SCMH1: variants seen among roughly 807,000 people sequenced by gnomAD.
SCMH1 encodes polycomb protein SCMH1.
SCMH1 carries 37 observed loss-of-function variants against 70.8 expected under a neutral mutation model. That is an observed-to-expected ratio of 0.52 (90% CI 0.40 to 0.69). The LOEUF is 0.69. Among genes scored for constraint, SCMH1 ranks in the 30% least tolerant of loss-of-function variants. The pLI is 0.00. For synonymous variants in SCMH1, 292 were observed against 307.4 expected, an observed-to-expected ratio of 0.95 and a Z score of 0.52; for missense variants, 607 against 827.3, an observed-to-expected ratio of 0.73 and a Z score of 3.27.
At chr1:41,099,700 C>T (rs2149085705) in intron 8 of SCMH1, among the ~76,000 whole-genome samples, 1 of 152,260 alleles carries the variant, frequency 6.6e-6, no homozygotes, top group East Asian at 1.9e-4. Context: ...CTGACATGAC[C>T]TAGGGACTCC....
At chr1:41,153,051 C>T (rs1018371111) in intron 4 of SCMH1, among the ~76,000 whole-genome samples, 1 of 152,164 alleles carries the variant, frequency 6.6e-6, no homozygotes, top group Non-Finnish European at 1.5e-5. Context: ...TGACAGGGCC[C>T]TAAAGCAAGG....
intron 10 of SCMH1, among the ~76,000 whole-genome samples, chr1:41,067,215 C>T (rs1026098003): frequency 1.3e-5 from 2 of 151,892 alleles, no homozygotes; most frequent in East Asian, 1.9e-4. Flanking sequence ...GAGGCTGAAG[C>T]GGGTGGATCA....
intron 10 of SCMH1, among the ~76,000 whole-genome samples, chr1:41,065,568 T>G (rs1020004527): frequency 1.3e-5 from 2 of 152,198 alleles, no homozygotes; most frequent in Non-Finnish European, 2.9e-5. Context: ...CTTCAAGACT[T>G]ATTGTAAAGC....
At chr1:41,187,339 G>A (rs1650492930) in intron 1 of SCMH1, among the ~76,000 whole-genome samples, 1 of 151,304 alleles carries the variant, frequency 6.6e-6, no homozygotes, top group Non-Finnish European at 1.5e-5. Context: ...GCACATGCTT[G>A]TAATCCCGGC....
chr1:41,213,677 CTTCA>C, intron 1 of SCMH1, among the ~76,000 whole-genome samples: 1 of 152,270 alleles, frequency 6.6e-6, no homozygotes, highest in South Asian at 2.1e-4. Flanking sequence ...CAATTATCTA[CTTCA>C]TTATCACATC....
chr1:41,153,283 A>G (rs1421219674), intron 4 of SCMH1, among the ~76,000 whole-genome samples: 1 of 152,226 alleles, frequency 6.6e-6, no homozygotes, highest in Non-Finnish European at 1.5e-5. Context: ...CACTAGCCAC[A>G]TAACTATTGG....
chr1:41,087,593 A>G (rs897485028), intron 8 of SCMH1, among the ~76,000 whole-genome samples: 3 of 152,136 alleles, frequency 2.0e-5, no homozygotes, highest in Admixed American at 6.5e-5. Context: ...GAGAAATGCA[A>G]ATTAAAATTA....
At chr1:41,138,265 T>TA in intron 6 of SCMH1, among the ~76,000 whole-genome samples, 1 of 152,284 alleles carries the variant, frequency 6.6e-6, no homozygotes, top group Middle Eastern at 3.4e-3. Context: ...AAATATGTCT[T>TA]AGAGTTGACC....
At chr1:41,060,709 A>G (rs12742379) in intron 10 of SCMH1, among the ~76,000 whole-genome samples, 16,528 of 152,072 alleles carry the variant, frequency 0.11, 1,278 homozygotes, top group East Asian at 0.28. Context: ...CAGTGGTACT[A>G]TCGTAACTCA....
At chr1:41,065,999 C>T (rs929997036) in intron 10 of SCMH1, among the ~76,000 whole-genome samples, 6 of 152,180 alleles carry the variant, frequency 3.9e-5, no homozygotes, top group Admixed American at 6.5e-5. Flanking sequence ...CTGGCAGGTG[C>T]AGCCTACGCC....
intron 8 of SCMH1, among the ~76,000 whole-genome samples, chr1:41,090,060 G>A (rs1311684496): frequency 6.6e-6 from 1 of 151,864 alleles, no homozygotes; most frequent in African/African-American, 2.4e-5. Flanking sequence ...CCAAAGTGCT[G>A]GGATTACAGG....
chr1:41,074,884 A>G (rs1657736969), intron 9 of SCMH1, among the ~76,000 whole-genome samples: 1 of 152,184 alleles, frequency 6.6e-6, no homozygotes, highest in Non-Finnish European at 1.5e-5. Flanking sequence ...TTCTTTTGAG[A>G]CGGAGTCTCG....
intron 2 of SCMH1, among the ~76,000 whole-genome samples, chr1:41,166,651 A>G (rs1197012602): frequency 8.2e-6 from 1 of 121,610 alleles, no homozygotes; most frequent in Non-Finnish European, 1.7e-5. Flanking sequence ...CAGAAAGTTC[A>G]CTGTTAGTGT....
At chr1:41,056,414 T>G (rs2148763242) in intron 10 of SCMH1, among the ~76,000 whole-genome samples, 1 of 152,372 alleles carries the variant, frequency 6.6e-6, no homozygotes, top group South Asian at 2.1e-4. Context: ...TTAAAAATCC[T>G]TCCCAATCTT....
chr1:41,233,817 T>C (rs987390920), intron 1 of SCMH1, among the ~76,000 whole-genome samples: 3 of 152,216 alleles, frequency 2.0e-5, no homozygotes, highest in Non-Finnish European at 2.9e-5. Flanking sequence ...CTGATTATGC[T>C]TATGGTATAG....
chr1:41,101,184 G>A (rs1232843341), intron 8 of SCMH1, among the ~76,000 whole-genome samples: 1 of 152,170 alleles, frequency 6.6e-6, no homozygotes, highest in Non-Finnish European at 1.5e-5. Context: ...AGATACTGGG[G>A]AAAGCATATT....
intron 8 of SCMH1, among the ~76,000 whole-genome samples, chr1:41,088,464 T>C (rs992261053): frequency 2.0e-5 from 3 of 151,958 alleles, no homozygotes; most frequent in Non-Finnish European, 4.4e-5. Flanking sequence ...ACAAATAAAC[T>C]CAACTATATT....
chr1:41,222,889 G>C (rs1031753241), intron 1 of SCMH1, among the ~76,000 whole-genome samples: 5 of 152,136 alleles, frequency 3.3e-5, no homozygotes, highest in Non-Finnish European at 7.4e-5. Context: ...TAGGGTAATA[G>C]GGAAAACTGG....
chr1:41,148,147 T>C (rs1644751171), intron 5 of SCMH1, among the ~76,000 whole-genome samples: 1 of 152,210 alleles, frequency 6.6e-6, no homozygotes, highest in Non-Finnish European at 1.5e-5. Context: ...ATAGTACTAC[T>C]TCATGCATGA....
Sources: allele counts gnomAD v4.1 joint callset (sites outside exome capture counted in the v4.1 genomes callset), GRCh38; gene constraint gnomAD v4.1.1; transcripts MANE v1.5; gene names NCBI Gene and HGNC (gene_info 2026-07-23, HGNC 2026-07-21).